Variants in ARHGEF28 observed in about 807,000 individuals in gnomAD.
ARHGEF28 encodes the protein 190 kDa guanine nucleotide exchange factor.
A neutral mutation model predicts 206.6 loss-of-function variants in ARHGEF28; 152 were observed. The ratio of observed to expected loss-of-function variants is 0.74; its 90% confidence interval spans 0.64 to 0.84. The LOEUF (loss-of-function observed/expected upper bound fraction) is 0.84, where lower values mean the gene tolerates loss of function less well. ARHGEF28 is among the 40% of genes least tolerant of loss of function. ARHGEF28 has a pLI of 0.00. For missense variants in ARHGEF28, 2,028 were observed against 2,073.2 expected, an observed-to-expected ratio of 0.98 and a Z score of 0.42; for synonymous variants, 763 against 776.4, an observed-to-expected ratio of 0.98 and a Z score of 0.29.
chr5:73,930,171 G>A (rs1764028400), intron 35 of ARHGEF28, among the ~76,000 whole-genome samples: 1 of 152,098 alleles, frequency 6.6e-6, no homozygotes, highest in South Asian at 2.1e-4. Flanking sequence ...TGTTGCCAGC[G>A]ATGATTGATT....
chr5:73,633,530 A>G (rs1743505174), intron 1 of ARHGEF28, among the ~76,000 whole-genome samples: 1 of 151,942 alleles, frequency 6.6e-6, no homozygotes, highest in South Asian at 2.1e-4. Flanking sequence ...TGTTTAGCAC[A>G]GAACCTAAGA....
At position 73,690,525 on chromosome 5, in the gene ARHGEF28, C is replaced by CAAAAAAAAAAA. The variant is rs71615796; in HGVS notation, c.33+5657_33+5667dup. Among the ~76,000 whole-genome samples, 2 of 23,356 alleles carry CAAAAAAAAAAA rather than the reference C, an allele frequency of 8.6e-5. 1 individual carries two copies. The highest frequency in any genetic ancestry group is 2.7e-4 in the Non-Finnish European group (2 of 7,420). 15.3% of individuals were successfully genotyped at this position (23,356 alleles called of 152,430 possible). On this transcript the variant is annotated intron_variant, in intron 2 of 35. Coordinates refer to ENST00000513042, the MANE Select transcript of ARHGEF28 (RefSeq NM_001177693.2). ...TCAACATTGTAAGACTCTGTCTTTA[C>CAAAAAAAAAAA]AAAAAAAAAAAAAAAAAAAAAAAAA...
intron 20 of ARHGEF28, among the ~76,000 whole-genome samples, chr5:73,869,246 T>C (rs1415205842): frequency 6.7e-6 from 1 of 148,644 alleles, no homozygotes. Context: ...GAAGGGCATG[T>C]ATGTATGTGT....
At chr5:73,678,025 A>G (rs759714657) in intron 1 of ARHGEF28, among the ~76,000 whole-genome samples, 1 of 152,236 alleles carries the variant, frequency 6.6e-6, no homozygotes, top group Admixed American at 6.5e-5. Flanking sequence ...TTTATTATCA[A>G]ACTTGGTGTG....
intron 4 of ARHGEF28, among the ~76,000 whole-genome samples, chr5:73,762,119 A>G (rs537486105): frequency 6.6e-6 from 1 of 151,552 alleles, no homozygotes; most frequent in South Asian, 2.1e-4. Flanking sequence ...GGAATGAGCC[A>G]CCACACCTGG....
chr5:73,626,464 C>G (rs531458870), intron 1 of ARHGEF28, 142 bp downstream of exon 1: 1 of 152,296 alleles, frequency 6.6e-6, no homozygotes, highest in South Asian at 2.1e-4. Flanking sequence ...ACCGGGGAAC[C>G]GCTGCAGGCG....
intron 2 of ARHGEF28, among the ~76,000 whole-genome samples, chr5:73,686,520 CTTT>C (rs753978925): frequency 2.8e-5 from 4 of 140,606 alleles, no homozygotes; most frequent in Non-Finnish European, 3.1e-5. Flanking sequence ...TTTTTCTTTT[CTTT>C]TTTTTTTTTT....
In ARHGEF28 at chr5:73,780,650, T is replaced by G. The variant is rs767455256; in HGVS notation, c.841-26T>G. ...TCAAATGGTTTTCTGTGCTTTTTTGTTTTTTTTTTCCCCATTGTTTCCTAG... is the reference window on the plus strand; with the variant it reads ...TCAAATGGTTTTCTGTGCTTTTTTGGTTTTTTTTTCCCCATTGTTTCCTAG... On this transcript the variant is annotated intron_variant, in intron 6 of 35. Coordinates refer to ENST00000513042, the MANE Select transcript of ARHGEF28 (RefSeq NM_001177693.2). 3.5e-5 allele frequency: 16 copies of G among 454,684 alleles called. No homozygotes were observed. Among genetic ancestry groups the G allele is most frequent in the African/African-American group, 2.0e-4 (6 of 30,456 alleles). 28.2% of individuals were successfully genotyped at this position (454,684 alleles called of 1,614,324 possible). A position where few individuals can be genotyped will look rare whatever the true frequency, so the allele number is the denominator to read the frequency against.
intron 1 of ARHGEF28, among the ~76,000 whole-genome samples, chr5:73,661,850 A>G (rs1479268596): frequency 6.6e-6 from 1 of 152,216 alleles, no homozygotes; most frequent in Non-Finnish European, 1.5e-5. Flanking sequence ...GCCAGATATA[A>G]TAATAGTGAA....
At chr5:73,770,060 T>C (rs80126185) in intron 4 of ARHGEF28, among the ~76,000 whole-genome samples, 2,231 of 152,340 alleles carry the variant, frequency 0.015, 55 homozygotes, top group African/African-American at 0.049. Context: ...CTTGTGTGGA[T>C]ATGGTAATGG....
At chr5:73,848,879 C>G (rs201254639) in intron 12 of ARHGEF28, 97 bp from the exon 13 acceptor site, 3 of 860,022 alleles carry the variant, frequency 3.5e-6, no homozygotes, top group South Asian at 1.6e-5. Flanking sequence ...GGTTGAATCT[C>G]TTTTCAAAGG....
chr5:73,935,969 G>T (rs1185112728), intron 35 of ARHGEF28, among the ~76,000 whole-genome samples: 1 of 152,190 alleles, frequency 6.6e-6, no homozygotes, highest in Non-Finnish European at 1.5e-5. Flanking sequence ...GCTTCTGGGT[G>T]CCTGGCCATG....
At position 73,809,137 on chromosome 5, in the gene ARHGEF28, G is replaced by A. The variant is rs1427036349; in HGVS notation, c.1024+13746G>A. Among the ~76,000 whole-genome samples the A allele has an allele frequency of 4.6e-5, 7 of 151,858 alleles. No homozygotes were observed. In the East Asian group the frequency reaches 1.2e-3, roughly 25 times the overall value. ...GGAGAATCACTGGAGCCTGGATGGC[G>A]GAAGTAGTAGTGAGCCAAGATCATG... On this transcript the variant is annotated intron_variant, in intron 9 of 35. Transcript: ENST00000513042.
rs148634401 is a variant in ARHGEF28 at position 73,761,295 on chromosome 5, T to A, written c.475+8093T>A. Among the ~76,000 whole-genome samples, 11 of 152,338 alleles carry A rather than the reference T, an allele frequency of 7.2e-5. No homozygotes were observed. The East Asian group carries it at 2.1e-3, about 29-fold the overall frequency. On this transcript the variant is annotated intron_variant, in intron 4 of 35. Coordinates refer to ENST00000513042, the MANE Select transcript of ARHGEF28 (RefSeq NM_001177693.2). Reference sequence around the variant, plus strand: ...TAAAATTTTGCTATTCTCATAGATTTCTTAATGGGATTTGAATGCTGGCAG... The same window carrying A: ...TAAAATTTTGCTATTCTCATAGATTACTTAATGGGATTTGAATGCTGGCAG...
chr5:73,700,710 A>G (rs1212778006), intron 2 of ARHGEF28, among the ~76,000 whole-genome samples: 1 of 152,230 alleles, frequency 6.6e-6, no homozygotes, highest in African/African-American at 2.4e-5. Flanking sequence ...TCATTGTACA[A>G]TATGTACATA....
intron 7 of ARHGEF28, among the ~76,000 whole-genome samples, chr5:73,783,729 G>T (rs1753986872): frequency 6.6e-6 from 1 of 152,188 alleles, no homozygotes; most frequent in Non-Finnish European, 1.5e-5. Flanking sequence ...CATTCCTGGG[G>T]TGTAGCACTG....
At chr5:73,748,778 C>T (rs1005207753) in intron 2 of ARHGEF28, among the ~76,000 whole-genome samples, 6 of 152,198 alleles carry the variant, frequency 3.9e-5, no homozygotes, top group African/African-American at 1.4e-4. Flanking sequence ...CCCCGCCACT[C>T]CCACAGGCTG....
intron 2 of ARHGEF28, among the ~76,000 whole-genome samples, chr5:73,710,670 G>A (rs535107629): frequency 6.6e-6 from 1 of 152,200 alleles, no homozygotes; most frequent in African/African-American, 2.4e-5. Flanking sequence ...GAAATCATGT[G>A]GTCTTACATT....
At chr5:73,781,465 C>T (rs773107470) in intron 7 of ARHGEF28, among the ~76,000 whole-genome samples, 2 of 152,202 alleles carry the variant, frequency 1.3e-5, no homozygotes, top group African/African-American at 4.8e-5. Flanking sequence ...ATCATCATTC[C>T]TCATTTTCCT....
Sources: allele counts gnomAD v4.1 joint callset (sites outside exome capture counted in the v4.1 genomes callset), GRCh38; gene constraint gnomAD v4.1.1; transcripts MANE v1.5; gene names NCBI Gene and HGNC (gene_info 2026-07-23, HGNC 2026-07-21).